The following STXBP4 variants were observed in gnomAD, a reference collection of about 807,000 sequenced individuals.
The protein encoded by STXBP4 is syntaxin binding protein 4, also known as syntaxin-binding protein 4.
A neutral mutation model predicts 76.1 loss-of-function variants in STXBP4; 55 were observed. The observed-to-expected ratio is 0.72, with a 90% CI of 0.58 to 0.91. STXBP4 has a LOEUF of 0.91. STXBP4 is among the 40% of genes least tolerant of loss of function. STXBP4 has a pLI of 0.00. For missense variants in STXBP4, 618 were observed against 636.9 expected (o/e 0.97, Z 0.32); for synonymous variants, 201 against 220.2 (o/e 0.91, Z 0.77).
rs2078247450 is a variant in STXBP4 at position 55,018,424 on chromosome 17, A to G, written c.666+10827A>G. ...CCAGCCATAACAAACACAGACCAGA[A>G]GAGTACAGTTGCAAGATTTAATAGA... is the stretch of plus-strand genomic sequence containing the variant. On this transcript the variant is annotated intron_variant, in intron 8 of 17. Transcript: ENST00000376352. Among the ~76,000 whole-genome samples the G allele has an allele frequency of 1.3e-5, 2 of 152,192 alleles. 1 individual carries two copies. Among genetic ancestry groups the G allele is most frequent in the South Asian group, 4.1e-4 (2 of 4,828 alleles).
At chr17:55,122,944 A>G (rs550199869) in intron 16 of STXBP4, among the ~76,000 whole-genome samples, 1 of 152,290 alleles carries the variant, frequency 6.6e-6, no homozygotes, top group South Asian at 2.1e-4. Flanking sequence ...AAAGTAGAAA[A>G]CCAAATTTTT....
intron 8 of STXBP4, among the ~76,000 whole-genome samples, chr17:55,025,758 T>C (rs188621494): frequency 2.3e-4 from 35 of 152,210 alleles, no homozygotes; most frequent in African/African-American, 8.2e-4. Flanking sequence ...ACCACTTCTA[T>C]TTTATGTTGC....
At chr17:55,101,223 G>A (rs905832275) in intron 16 of STXBP4, among the ~76,000 whole-genome samples, 1 of 152,074 alleles carries the variant, frequency 6.6e-6, no homozygotes, top group Non-Finnish European at 1.5e-5. Flanking sequence ...ATTTTTCCTG[G>A]AATAAAAAAT....
Position 55,160,053 on chromosome 17 carries a change from ATT to A in STXBP4, c.*146_*147del. On this transcript the variant is annotated 3_prime_UTR_variant, in exon 18 of 18. Coordinates refer to ENST00000376352, the MANE Select transcript of STXBP4 (RefSeq NM_178509.6). ...GAAATGGAGACTCTGGACTTTGGGT[ATT>A]TTTGTAAAACTTTTGATATTTCTGT... The A allele has an allele frequency of 1.9e-6, 1 of 532,128 alleles. No homozygotes were observed. Among genetic ancestry groups the A allele is most frequent in the Admixed American group, 3.6e-5 (1 of 27,626 alleles). The allele number at this position is 532,128 out of a possible 1,614,324, so 33.0% of individuals were successfully genotyped here.
At chr17:55,185,302 TCTC>T in the STXBP4 span, among the ~76,000 whole-genome samples, 97 of 78,616 alleles carry the variant, frequency 1.2e-3, no homozygotes, top group East Asian at 5.0e-3. Flanking sequence ...TCCTTCTCCT[TCTC>T]CTTCTCCTTC....
intron 16 of STXBP4, among the ~76,000 whole-genome samples, chr17:55,138,714 A>G (rs997409548): frequency 2.0e-5 from 3 of 152,170 alleles, no homozygotes; most frequent in African/African-American, 7.2e-5. Context: ...ATGATTATTG[A>G]AAAGTATTTA....
chr17:54,999,673 C>G lies in STXBP4; in HGVS notation c.329C>G (p.Ser110Cys), dbSNP rs1191753050. 6.2e-7 allele frequency: 1 copy of G among 1,613,538 alleles called. No homozygotes were observed. Among genetic ancestry groups the G allele is most frequent in the African/African-American group, 1.3e-5 (1 of 74,878 alleles). ...AWEIAFIRQK[S>C]DNIQPENLSC... ...GAGATAGCATTCATAAGACAAAAATCCGACAACATTCAGCCAGAAAATCTG... is the reference window on the plus strand; with the variant it reads ...GAGATAGCATTCATAAGACAAAAATGCGACAACATTCAGCCAGAAAATCTG... Residue 110 changes from serine (S) to cysteine (C), a missense_variant, in exon 6 of 18, where the codon TCC becomes TGC. By Grantham distance (112) the Ser-to-Cys change is moderately radical. Transcript: ENST00000376352.
At chr17:55,155,874 C>T (rs928513863) in intron 17 of STXBP4, among the ~76,000 whole-genome samples, 3 of 152,058 alleles carry the variant, frequency 2.0e-5, no homozygotes, top group East Asian at 3.9e-4. Context: ...AAAGCATGTT[C>T]TCTTAGGTTT....
chr17:55,175,745 A>G (rs1251364952), downstream of STXBP4, among the ~76,000 whole-genome samples: 2 of 152,220 alleles, frequency 1.3e-5, no homozygotes, highest in African/African-American at 2.4e-5. Flanking sequence ...CTGTAGTTGC[A>G]GAGGGATGCA....
chr17:55,052,751 A>G (rs1480022564), intron 12 of STXBP4, among the ~76,000 whole-genome samples: 3 of 152,076 alleles, frequency 2.0e-5, no homozygotes, highest in Non-Finnish European at 4.4e-5. Context: ...ACATTTGGGC[A>G]TTGTGTGACT....
intron 8 of STXBP4, among the ~76,000 whole-genome samples, chr17:55,013,980 A>G (rs970727342): frequency 4.6e-5 from 7 of 152,046 alleles, no homozygotes; most frequent in African/African-American, 1.7e-4. Context: ...AGGGTTAGGT[A>G]CAGCTGGGTA....
At chr17:55,069,922 C>A (rs2079101411) in intron 12 of STXBP4, among the ~76,000 whole-genome samples, 3 of 151,888 alleles carry the variant, frequency 2.0e-5, no homozygotes, top group Admixed American at 2.0e-4. Flanking sequence ...GGAGAATTTC[C>A]TGCCCTTTCT....
At chr17:55,063,555 T>G (rs953330349) in intron 12 of STXBP4, among the ~76,000 whole-genome samples, 3 of 152,238 alleles carry the variant, frequency 2.0e-5, no homozygotes, top group African/African-American at 7.2e-5. Context: ...TAGTAACTTA[T>G]AAGGGAGACC....
chr17:55,031,605 T>C (rs549020572), intron 9 of STXBP4, among the ~76,000 whole-genome samples: 15 of 152,182 alleles, frequency 9.9e-5, no homozygotes, highest in Admixed American at 2.0e-4. Context: ...TGAGATTAAT[T>C]CGAATCCTTT....
At chr17:54,977,926 A>G (rs2077494684) in intron 1 of STXBP4, among the ~76,000 whole-genome samples, 3 of 152,180 alleles carry the variant, frequency 2.0e-5, no homozygotes, top group Non-Finnish European at 1.5e-5. Context: ...AACCAGACAG[A>G]TTATTTACTG....
intron 13 of STXBP4, 101 bp downstream of exon 13, chr17:55,073,177 G>A (rs1420520054): frequency 9.3e-7 from 1 of 1,076,162 alleles, no homozygotes; most frequent in Non-Finnish European, 1.4e-6. Flanking sequence ...AACTAGGTCA[G>A]TGTTTGTCTT....
At chr17:55,043,621 C>A in intron 11 of STXBP4, 1 of 1,549,530 alleles carries the variant, frequency 6.5e-7, no homozygotes, top group Non-Finnish European at 8.7e-7. Context: ...GTGGCCAGGG[C>A]AGAATTAGAT....
intron 12 of STXBP4, among the ~76,000 whole-genome samples, chr17:55,071,519 T>C (rs934876128): frequency 6.6e-6 from 1 of 152,104 alleles, no homozygotes; most frequent in Non-Finnish European, 1.5e-5. Flanking sequence ...CTCCTGCAGG[T>C]CTCTGGTCAG....
intron 9 of STXBP4, among the ~76,000 whole-genome samples, chr17:55,032,129 G>A (rs1392824943): frequency 6.6e-6 from 1 of 151,822 alleles, no homozygotes; most frequent in Non-Finnish European, 1.5e-5. Flanking sequence ...ACATATATTC[G>A]TTCCACCACC....
Sources: gnomAD v4.1 joint callset for allele counts (sites outside exome capture counted in the v4.1 genomes callset) on GRCh38, gnomAD v4.1.1 for gene constraint, MANE v1.5 for transcripts, NCBI Gene and HGNC (gene_info 2026-07-23, HGNC 2026-07-21) for gene names.